MAGI2: variants seen among roughly 807,000 people sequenced by gnomAD.
MAGI2 encodes the protein membrane associated guanylate kinase, WW and PDZ domain containing 2, also known as membrane-associated guanylate kinase, WW and PDZ domain-containing protein 2.
A neutral mutation model predicts 133.3 loss-of-function variants in MAGI2; 35 were observed. The ratio of observed to expected loss-of-function variants is 0.26; its 90% CI spans 0.20 to 0.35. The LOEUF is 0.35. Among genes scored for constraint, MAGI2 ranks in the 10% least tolerant of loss-of-function variants. MAGI2 has a pLI of 1.00. For synonymous variants in MAGI2, 729 were observed against 710.6 expected (o/e 1.03, Z -0.41); for missense variants, 1,636 against 1,863.4 (o/e 0.88, Z 2.25).
intron 21 of MAGI2, among the ~76,000 whole-genome samples, chr7:78,046,060 A>G (rs1176266562): frequency 1.3e-5 from 2 of 152,038 alleles, no homozygotes; most frequent in African/African-American, 4.8e-5. Context: ...CTTAATACCA[A>G]GGGAAGGAAT....
chr7:79,009,209 A>G (rs1300869322), intron 1 of MAGI2: 1 of 152,098 alleles, frequency 6.6e-6, no homozygotes. Flanking sequence ...AAAATATATT[A>G]TCAGTTTAAA....
chr7:79,349,532 T>C (rs188257541), intron 1 of MAGI2, among the ~76,000 whole-genome samples: 554 of 152,058 alleles, frequency 3.6e-3, no homozygotes, highest in Non-Finnish European at 5.4e-3. Flanking sequence ...CCCACAACAC[T>C]CTTTGTGGTG....
At chr7:78,484,906 G>C (rs923240154) in intron 6 of MAGI2, 1 of 149,362 alleles carries the variant, frequency 6.7e-6, no homozygotes, top group African/African-American at 2.5e-5. Flanking sequence ...TTAGGGTTTG[G>C]AACAGCTTTT....
intron 2 of MAGI2, among the ~76,000 whole-genome samples, chr7:78,675,672 A>T (rs1814941595): frequency 6.6e-6 from 1 of 152,152 alleles, no homozygotes; most frequent in Admixed American, 6.6e-5. Context: ...CGCCACACAG[A>T]TGAGGTAATA....
chr7:78,777,802 T>C (rs1436348084), intron 2 of MAGI2, among the ~76,000 whole-genome samples: 1 of 152,110 alleles, frequency 6.6e-6, no homozygotes, highest in Non-Finnish European at 1.5e-5. Flanking sequence ...TAAAGTAAAA[T>C]GGAACATAAA....
intron 1 of MAGI2, among the ~76,000 whole-genome samples, chr7:79,214,442 T>TATATAA (rs1374232866): frequency 4.2e-4 from 46 of 110,596 alleles, no homozygotes; most frequent in Non-Finnish European, 7.7e-4. Flanking sequence ...TATATATATA[T>TATATAA]AAATATGCAC....
At chr7:79,066,699 A>C (rs1814373554) in intron 1 of MAGI2, among the ~76,000 whole-genome samples, 1 of 152,050 alleles carries the variant, frequency 6.6e-6, no homozygotes, top group African/African-American at 2.4e-5. Context: ...TATGTCCTGA[A>C]TGGTATTGCC....
intron 3 of MAGI2, among the ~76,000 whole-genome samples, chr7:78,544,046 C>T (rs971511873): frequency 1.3e-5 from 2 of 152,304 alleles, no homozygotes; most frequent in East Asian, 3.9e-4. Flanking sequence ...AATCTCTATG[C>T]TTTGGGCTGG....
chr7:78,970,281 T>G (rs1488939482), intron 2 of MAGI2, among the ~76,000 whole-genome samples: 2 of 152,092 alleles, frequency 1.3e-5, no homozygotes, highest in South Asian at 4.1e-4. Flanking sequence ...TTTTATTTTA[T>G]CCTTACTACA....
At chr7:78,830,671 A>C (rs1218032968) in intron 2 of MAGI2, among the ~76,000 whole-genome samples, 1 of 152,216 alleles carries the variant, frequency 6.6e-6, no homozygotes, top group Non-Finnish European at 1.5e-5. Context: ...ACAATGAAAA[A>C]AAATGGGAGT....
intron 1 of MAGI2, among the ~76,000 whole-genome samples, chr7:79,239,049 G>A (rs1023579096): frequency 6.6e-6 from 1 of 152,064 alleles, no homozygotes; most frequent in Non-Finnish European, 1.5e-5. Flanking sequence ...TGTTCTAAGT[G>A]GGAGATACAA....
chr7:78,560,333 CA>C (rs991108937), intron 3 of MAGI2, among the ~76,000 whole-genome samples: 17 of 152,108 alleles, frequency 1.1e-4, no homozygotes, highest in African/African-American at 4.1e-4. Flanking sequence ...GACTGAAGTT[CA>C]AAAGAGAGGT....
chr7:79,078,071 A>C (rs1815696954), intron 1 of MAGI2, among the ~76,000 whole-genome samples: 1 of 152,218 alleles, frequency 6.6e-6, no homozygotes, highest in Admixed American at 6.5e-5. Context: ...TATTCTGATA[A>C]GACCTTATCT....
chr7:79,336,758 T>C (rs751522713), intron 1 of MAGI2, among the ~76,000 whole-genome samples: 1 of 152,136 alleles, frequency 6.6e-6, no homozygotes, highest in Non-Finnish European at 1.5e-5. Flanking sequence ...TCCAGGTCCA[T>C]CCATGTTTTG....
chr7:79,046,330 C>A (rs1229673260), intron 1 of MAGI2, among the ~76,000 whole-genome samples: 2 of 152,116 alleles, frequency 1.3e-5, no homozygotes, highest in Non-Finnish European at 2.9e-5. Flanking sequence ...GGGAAAACCA[C>A]AAGAAGACAC....
chr7:78,269,741 G>C (rs539540423), intron 9 of MAGI2, among the ~76,000 whole-genome samples: 1 of 152,258 alleles, frequency 6.6e-6, no homozygotes, highest in South Asian at 2.1e-4. Flanking sequence ...CCTGATGATA[G>C]TTCCTTTTGC....
chr7:78,237,291 T>C (rs1044392042), intron 10 of MAGI2, among the ~76,000 whole-genome samples: 1 of 152,200 alleles, frequency 6.6e-6, no homozygotes, highest in Admixed American at 6.5e-5. Context: ...ATGTACTTTT[T>C]GTTGCTTTAT....
chr7:78,740,052 T>G (rs1822255632), intron 2 of MAGI2, among the ~76,000 whole-genome samples: 1 of 151,782 alleles, frequency 6.6e-6, no homozygotes, highest in African/African-American at 2.4e-5. Context: ...TCCCAGCTAC[T>G]CGGGAGGCTG....
chr7:78,963,363 A>T lies in MAGI2; in HGVS notation c.418+43727T>A, dbSNP rs188284202. 2.8e-4 allele frequency among the ~76,000 whole-genome samples: 43 copies of T among 152,268 alleles called. 1 individual carries two copies. Among genetic ancestry groups the T allele is most frequent in the Admixed American group, 2.4e-3 (37 of 15,274 alleles). The stretch of plus-strand genomic sequence containing the variant: ...TATTATGAACTTCTCTGATATTTCA[A>T]TTGGAGTAGTATTGTCTTAGGGTAC... On this transcript the variant is annotated intron_variant, in intron 2 of 21. Coordinates refer to ENST00000354212, the MANE Select transcript of MAGI2 (RefSeq NM_012301.4).
Sources: allele counts gnomAD v4.1 joint callset (sites outside exome capture counted in the v4.1 genomes callset), GRCh38; gene constraint gnomAD v4.1.1; transcripts MANE v1.5; gene names NCBI Gene and HGNC (gene_info 2026-07-23, HGNC 2026-07-21).